Variants in SKAP1 observed in about 807,000 individuals in gnomAD.
SKAP1 encodes the protein src kinase associated phosphoprotein 1.
A neutral mutation model predicts 58.5 loss-of-function variants in SKAP1; 44 were observed. That is an observed-to-expected ratio of 0.75 (90% CI 0.59 to 0.97). SKAP1 has a LOEUF of 0.97. SKAP1 is among the 50% of genes least tolerant of loss of function. The probability of loss-of-function intolerance (pLI) is 0.00; values close to 1 mark genes in which losing one functional copy is unlikely to be tolerated. For missense variants in SKAP1, 390 were observed against 435.2 expected (o/e 0.90, Z 0.92); for synonymous variants, 127 against 149.7 (o/e 0.85, Z 1.11).
chr17:48,213,614 G>A (rs940151814), intron 4 of SKAP1, among the ~76,000 whole-genome samples: 6 of 152,100 alleles, frequency 3.9e-5, no homozygotes, highest in African/African-American at 9.7e-5. Flanking sequence ...AGGGCTCTCC[G>A]TCTTCTGCTT....
intron 4 of SKAP1, among the ~76,000 whole-genome samples, chr17:48,283,624 C>T (rs1296592621): frequency 6.6e-6 from 1 of 152,184 alleles, no homozygotes; most frequent in Non-Finnish European, 1.5e-5. Flanking sequence ...AGGCAGGGGG[C>T]AGGATCTCAC....
chr17:48,268,595 G>T (rs2065586274), intron 4 of SKAP1, among the ~76,000 whole-genome samples: 1 of 152,036 alleles, frequency 6.6e-6, no homozygotes, highest in South Asian at 2.1e-4. Context: ...GGGTTCAAGT[G>T]ATTCGCCTAC....
At chr17:48,364,630 G>T (rs576343787) in intron 2 of SKAP1, among the ~76,000 whole-genome samples, 58 of 152,178 alleles carry the variant, frequency 3.8e-4, no homozygotes, top group African/African-American at 1.4e-3. Context: ...AGCTAAGATC[G>T]CGCCATTGCA....
chr17:48,372,156 G>C lies in SKAP1; in HGVS notation c.153-8342C>G, dbSNP rs188753517. On this transcript the variant is annotated intron_variant, in intron 2 of 12. Transcript: ENST00000336915. ...CCAGTTAATTTTTTATCTTTTAGTA[G>C]AGATGGGGTTTTCCCATGTTGGCAA... 4.9e-4 allele frequency among the ~76,000 whole-genome samples: 75 copies of C among 152,066 alleles called. 1 individual carries two copies. The highest frequency in any genetic ancestry group is 1.3e-3 in the Admixed American group (20 of 15,282).
intron 2 of SKAP1, among the ~76,000 whole-genome samples, chr17:48,367,369 TTAA>T (rs1372898489): frequency 6.6e-6 from 1 of 151,854 alleles, no homozygotes; most frequent in Non-Finnish European, 1.5e-5. Flanking sequence ...GTGACTATAG[TTAA>T]TAATACTGTA....
intron 2 of SKAP1, among the ~76,000 whole-genome samples, chr17:48,388,311 G>A (rs1320876736): frequency 3.3e-5 from 5 of 152,052 alleles, no homozygotes; most frequent in African/African-American, 1.2e-4. Flanking sequence ...GCATGTGCCT[G>A]TAATCCCAGC....
At chr17:48,193,923 T>C (rs567401643) in intron 4 of SKAP1, among the ~76,000 whole-genome samples, 4 of 152,144 alleles carry the variant, frequency 2.6e-5, no homozygotes, top group Admixed American at 1.3e-4. Context: ...TATTTAAGTA[T>C]ACAATTAAAA....
At chr17:48,160,015 A>G (rs545343910) in intron 11 of SKAP1, among the ~76,000 whole-genome samples, 7 of 152,242 alleles carry the variant, frequency 4.6e-5, no homozygotes, top group Non-Finnish European at 8.8e-5. Flanking sequence ...ATACAATGGT[A>G]CAGGATGAAA....
At chr17:48,436,590 A>G in the SKAP1 span, among the ~76,000 whole-genome samples, 1 of 152,032 alleles carries the variant, frequency 6.6e-6, no homozygotes, top group South Asian at 2.1e-4. Flanking sequence ...TCAGTCTCAC[A>G]TTCTTTTTCA....
intron 1 of SKAP1, among the ~76,000 whole-genome samples, chr17:48,418,764 A>C (rs2067761275): frequency 6.6e-6 from 1 of 152,232 alleles, no homozygotes; most frequent in Non-Finnish European, 1.5e-5. Context: ...ACTATTTAGC[A>C]AAAAGGAACA....
At chr17:48,171,136 T>C (rs1213445098) in intron 9 of SKAP1, among the ~76,000 whole-genome samples, 1 of 143,436 alleles carries the variant, frequency 7.0e-6, no homozygotes, top group Non-Finnish European at 1.5e-5. Flanking sequence ...GTTTCACTCT[T>C]TGTTGCCCAG....
intron 4 of SKAP1, among the ~76,000 whole-genome samples, chr17:48,219,848 T>C (rs1395478869): frequency 6.6e-6 from 1 of 152,146 alleles, no homozygotes; most frequent in Non-Finnish European, 1.5e-5. Context: ...CAGTTCAAAG[T>C]CATGCAAATG....
At chr17:48,222,137 T>C (rs1322885705) in intron 4 of SKAP1, among the ~76,000 whole-genome samples, 1 of 152,182 alleles carries the variant, frequency 6.6e-6, no homozygotes, top group African/African-American at 2.4e-5. Flanking sequence ...TACAGTTAGC[T>C]ACAGGCTTTG....
chr17:48,150,521 A>G (rs1054256453), intron 11 of SKAP1, among the ~76,000 whole-genome samples: 1 of 152,246 alleles, frequency 6.6e-6, no homozygotes, highest in Non-Finnish European at 1.5e-5. Context: ...CTGTTTGTGT[A>G]AAGTACAGTG....
chr17:48,146,731 C>T (rs150566498), intron 11 of SKAP1, among the ~76,000 whole-genome samples: 2,054 of 152,038 alleles, frequency 0.014, 47 homozygotes, highest in African/African-American at 0.043. Flanking sequence ...CGGGTTCAAG[C>T]GATTCTCCTG....
intron 5 of SKAP1, 30 bp downstream of exon 5, chr17:48,189,393 T>C (rs1384289844): frequency 1.9e-6 from 3 of 1,554,990 alleles, no homozygotes; most frequent in Admixed American, 1.8e-5. Context: ...CTTCCTGGAA[T>C]GTTCTGAAAT....
At chr17:48,144,045 TGTA>T (rs1465803896) in intron 11 of SKAP1, among the ~76,000 whole-genome samples, 1 of 152,186 alleles carries the variant, frequency 6.6e-6, no homozygotes, top group African/African-American at 2.4e-5. Context: ...CGACTGCAGA[TGTA>T]GAAGCCTCGC....
intron 4 of SKAP1, among the ~76,000 whole-genome samples, chr17:48,197,974 C>G (rs1364178879): frequency 6.6e-6 from 1 of 152,174 alleles, no homozygotes; most frequent in Non-Finnish European, 1.5e-5. Flanking sequence ...TAACTCCAAG[C>G]ATGGTAACTT....
intron 9 of SKAP1, among the ~76,000 whole-genome samples, chr17:48,177,433 T>C (rs2064305802): frequency 6.6e-6 from 1 of 152,184 alleles, no homozygotes; most frequent in Non-Finnish European, 1.5e-5. Flanking sequence ...CTACTATTGT[T>C]TTCCCTGTTT....
Sources: gnomAD v4.1 joint callset for allele counts (sites outside exome capture counted in the v4.1 genomes callset) on GRCh38, gnomAD v4.1.1 for gene constraint, MANE v1.5 for transcripts, NCBI Gene and HGNC (gene_info 2026-07-23, HGNC 2026-07-21) for gene names.